Variants in NFIL3 observed in about 807,000 individuals in gnomAD.
The protein encoded by NFIL3 is nuclear factor interleukin-3-regulated protein.
NFIL3 carries 5 observed loss-of-function variants against 10.0 expected under a neutral mutation model. The observed-to-expected ratio is 0.50, with a 90% CI of 0.26 to 1.06. NFIL3 has a LOEUF of 1.06. Ranked by LOEUF, NFIL3 falls within the 50% of genes least tolerant of loss-of-function variation. NFIL3 has a pLI of 0.13. For missense variants in NFIL3, 436 were observed against 547.6 expected (o/e 0.80, Z 2.03); for synonymous variants, 202 against 206.5 (o/e 0.98, Z 0.19).
In NFIL3 at chr9:91,416,364, A is replaced by C. The variant is rs759154279; in HGVS notation, c.-172-5458T>G. Among the ~76,000 whole-genome samples, 127 of 152,346 alleles carry C rather than the reference A, an allele frequency of 8.3e-4. 1 individual carries two copies. The highest frequency in any genetic ancestry group is 3.4e-3 in the Middle Eastern group (1 of 294). On this transcript the variant is annotated intron_variant, in intron 1 of 1. Transcript: ENST00000297689. ...ATGAACTTAAAGCAAATGCAAAAGT[A>C]GTTTACGATGCCTTCAAAAAGCCTC...
the NFIL3 span, among the ~76,000 whole-genome samples, chr9:91,446,257 C>T: frequency 2.6e-5 from 4 of 152,266 alleles, no homozygotes; most frequent in East Asian, 1.9e-4. Context: ...CCTTACTGGG[C>T]GACCAGTTGG....
At chr9:91,440,061 A>G in the NFIL3 span, among the ~76,000 whole-genome samples, 4 of 151,984 alleles carry the variant, frequency 2.6e-5, no homozygotes, top group African/African-American at 4.8e-5. Flanking sequence ...CTGTAGCCCT[A>G]TTTTTTGGAA....
the NFIL3 span, among the ~76,000 whole-genome samples, chr9:91,463,131 G>A: frequency 1.3e-5 from 2 of 151,690 alleles, no homozygotes; most frequent in African/African-American, 2.4e-5. Flanking sequence ...TATTTTCAAA[G>A]AACCAGCTTT....
At chr9:91,414,443 C>T (rs1474360488) in intron 1 of NFIL3, among the ~76,000 whole-genome samples, 2 of 152,132 alleles carry the variant, frequency 1.3e-5, no homozygotes, top group Non-Finnish European at 2.9e-5. Context: ...GGGGAAACTC[C>T]ATGGGGTTTC....
At chr9:91,438,692 G>A in the NFIL3 span, among the ~76,000 whole-genome samples, 1 of 152,152 alleles carries the variant, frequency 6.6e-6, no homozygotes, top group Non-Finnish European at 1.5e-5. Flanking sequence ...TGTGCATGAT[G>A]TAAGATAACA....
the NFIL3 span, among the ~76,000 whole-genome samples, chr9:91,463,978 A>G: frequency 6.6e-6 from 1 of 151,902 alleles, no homozygotes; most frequent in African/African-American, 2.4e-5. Flanking sequence ...CTTTCTTTTG[A>G]TTAGTGTTAA....
chr9:91,461,298 A>T, the NFIL3 span, among the ~76,000 whole-genome samples: 10 of 152,208 alleles, frequency 6.6e-5, no homozygotes, highest in South Asian at 8.3e-4. Context: ...TGACTTCTTA[A>T]AATTTTTTTA....
In NFIL3 at chr9:91,409,316, C is replaced by T. The variant is rs1833490461; in HGVS notation, c.*30G>A. The T allele has an allele frequency of 6.6e-7, 1 of 1,523,538 alleles. No individual in the cohort carries two copies. The highest frequency in any genetic ancestry group is 1.4e-5 in the African/African-American group (1 of 71,770). The allele number at this position is 1,523,538 out of a possible 1,614,324, so 94.4% of individuals were successfully genotyped here. ...CTGCTCTATTGCAAATGACATCTTT[C>T]TAAATGCCCAGCTCTTACTCAGTAG... On this transcript the variant is annotated 3_prime_UTR_variant, in exon 2 of 2. Coordinates refer to ENST00000297689, the MANE Select transcript of NFIL3 (RefSeq NM_005384.3).
At chr9:91,429,491 A>G in the NFIL3 span, among the ~76,000 whole-genome samples, 1 of 152,112 alleles carries the variant, frequency 6.6e-6, no homozygotes, top group Admixed American at 6.5e-5. Flanking sequence ...TGTAACATGG[A>G]CAAGAGAAAA....
At chr9:91,452,434 C>T in the NFIL3 span, among the ~76,000 whole-genome samples, 5 of 122,846 alleles carry the variant, frequency 4.1e-5, no homozygotes, top group South Asian at 4.8e-4. Flanking sequence ...CAAATCAATG[C>T]ACCTCTTACA....
At chr9:91,460,201 G>T in the NFIL3 span, among the ~76,000 whole-genome samples, 29 of 151,300 alleles carry the variant, frequency 1.9e-4, no homozygotes, top group African/African-American at 7.1e-4. Flanking sequence ...AGGGACCAGG[G>T]GAGTGAGACA....
At chr9:91,479,039 G>T in the NFIL3 span, among the ~76,000 whole-genome samples, 22 of 152,186 alleles carry the variant, frequency 1.4e-4, no homozygotes, top group Non-Finnish European at 2.9e-4. Context: ...AGGGGCATCT[G>T]CCAGATGCCA....
chr9:91,424,209 C>T (rs1833835494), upstream of NFIL3, among the ~76,000 whole-genome samples: 1 of 152,096 alleles, frequency 6.6e-6, no homozygotes, highest in Non-Finnish European at 1.5e-5. Context: ...GCTCTTGGCT[C>T]CCTTCACCCT....
the NFIL3 span, among the ~76,000 whole-genome samples, chr9:91,462,831 TG>T: frequency 1.2e-5 from 1 of 84,130 alleles, no homozygotes; most frequent in African/African-American, 4.8e-5. Flanking sequence ...TTTTTGGGGG[TG>T]GGGGGAGGGA....
At chr9:91,461,165 T>C in the NFIL3 span, among the ~76,000 whole-genome samples, 8 of 152,200 alleles carry the variant, frequency 5.3e-5, no homozygotes, top group Non-Finnish European at 1.0e-4. Context: ...GCTACCTTGT[T>C]TGTAGAGCCA....
chr9:91,443,775 C>G, the NFIL3 span, among the ~76,000 whole-genome samples: 1 of 152,192 alleles, frequency 6.6e-6, no homozygotes, highest in Non-Finnish European at 1.5e-5. Flanking sequence ...CTGTTACCAG[C>G]CCCCACCAGC....
chr9:91,467,366 T>C, the NFIL3 span, among the ~76,000 whole-genome samples: 7 of 152,134 alleles, frequency 4.6e-5, no homozygotes, highest in Admixed American at 2.0e-4. Flanking sequence ...GCATTTCTTT[T>C]AGAGGGGTGC....
chr9:91,409,142 G>A lies in NFIL3; in HGVS notation c.*204C>T, dbSNP rs1328476159. 2 of 525,004 alleles carry A rather than the reference G, an allele frequency of 3.8e-6. No individual in the cohort carries two copies. The highest frequency in any genetic ancestry group is 6.6e-6 in the Non-Finnish European group (2 of 303,452). The allele number at this position is 525,004 out of a possible 1,614,324, so 32.5% of individuals were successfully genotyped here. ...GTTCAATATATACAGCCTTCGCATG[G>A]ACTATCTGACTATACACAGGCAGAG... On this transcript the variant is annotated 3_prime_UTR_variant, in exon 2 of 2. Transcript: ENST00000297689.
chr9:91,415,826 C>T (rs1279987191), intron 1 of NFIL3, among the ~76,000 whole-genome samples: 1 of 152,046 alleles, frequency 6.6e-6, no homozygotes, highest in Non-Finnish European at 1.5e-5. Flanking sequence ...GGGGTTTCTC[C>T]ATGTTGGTCA....
Sources: gnomAD v4.1 joint callset for allele counts (sites outside exome capture counted in the v4.1 genomes callset) on GRCh38, gnomAD v4.1.1 for gene constraint, MANE v1.5 for transcripts, NCBI Gene and HGNC (gene_info 2026-07-23, HGNC 2026-07-21) for gene names.